DPP6: variants seen among roughly 807,000 people sequenced by gnomAD.
The protein encoded by DPP6 is dipeptidyl peptidase like 6, also known as A-type potassium channel modulatory protein DPP6.
A neutral mutation model predicts 122.6 loss-of-function variants in DPP6; 69 were observed. The ratio of observed to expected loss-of-function variants is 0.56; its 90% CI spans 0.46 to 0.69. The LOEUF is 0.69. Ranked by LOEUF, DPP6 falls within the 30% of genes least tolerant of loss-of-function variation. The probability of loss-of-function intolerance (pLI) is 0.00; values close to 1 mark genes in which losing one functional copy is unlikely to be tolerated. For synonymous variants in DPP6, 418 were observed against 433.1 expected, an observed-to-expected ratio of 0.97 and a Z score of 0.43; for missense variants, 928 against 1,116.9, an observed-to-expected ratio of 0.83 and a Z score of 2.41.
At chr7:154,611,972 CAT>C (rs1408185931) in intron 5 of DPP6, among the ~76,000 whole-genome samples, 1 of 152,094 alleles carries the variant, frequency 6.6e-6, no homozygotes, top group Non-Finnish European at 1.5e-5. Context: ...CTTACAAAAA[CAT>C]GTGTTGGAAA....
chr7:154,305,583 TGTGTGCGTGC>T, intron 1 of DPP6: 1 of 1,580,904 alleles, frequency 6.3e-7, no homozygotes, highest in Non-Finnish European at 8.6e-7. Flanking sequence ...CGTGTGTGTG[TGTGTGCGTGC>T]GTGTGCATGC....
chr7:154,257,609 A>G (rs1037390252), intron 1 of DPP6, among the ~76,000 whole-genome samples: 2 of 152,176 alleles, frequency 1.3e-5, no homozygotes, highest in Non-Finnish European at 2.9e-5. Context: ...AGGCAGAAGA[A>G]TTTTCTGAAC....
chr7:154,733,161 G>A (rs1430368988), intron 8 of DPP6, among the ~76,000 whole-genome samples: 1 of 152,228 alleles, frequency 6.6e-6, no homozygotes, highest in Non-Finnish European at 1.5e-5. Context: ...ACCTTCACTG[G>A]GTGGCCAGCA....
intron 1 of DPP6, among the ~76,000 whole-genome samples, chr7:153,901,041 T>C (rs1230768256): frequency 1.3e-5 from 2 of 152,184 alleles, no homozygotes; most frequent in African/African-American, 2.4e-5. Flanking sequence ...CAGTGGTTCA[T>C]TTTTTATAGA....
At chr7:154,857,676 C>A (rs1024639725) in intron 17 of DPP6, among the ~76,000 whole-genome samples, 3 of 152,186 alleles carry the variant, frequency 2.0e-5, no homozygotes, top group Non-Finnish European at 4.4e-5. Context: ...TGCTTCCAGG[C>A]CCCCAGTTCC....
At chr7:154,889,192 T>C in intron 23 of DPP6, 80 bp from the exon 24 acceptor site, 1 of 1,540,946 alleles carries the variant, frequency 6.5e-7, no homozygotes, top group Non-Finnish European at 8.7e-7. Context: ...ACCTACCTTC[T>C]CAGTCAGGTT....
chr7:154,265,788 A>G (rs193116358), intron 1 of DPP6, among the ~76,000 whole-genome samples: 1 of 152,222 alleles, frequency 6.6e-6, no homozygotes, highest in South Asian at 2.1e-4. Flanking sequence ...AAAAAAATAT[A>G]CAAGTGAGTA....
At chr7:154,138,394 C>T (rs1795685530) in intron 1 of DPP6, among the ~76,000 whole-genome samples, 2 of 152,284 alleles carry the variant, frequency 1.3e-5, no homozygotes, top group Non-Finnish European at 2.9e-5. Context: ...GGAAAATCTC[C>T]AGATGCTCAA....
At chr7:153,936,283 TC>T (rs1801436017) in intron 1 of DPP6, among the ~76,000 whole-genome samples, 2 of 152,096 alleles carry the variant, frequency 1.3e-5, no homozygotes, top group South Asian at 4.1e-4. Context: ...TATGAAATGT[TC>T]TCCAGGAGGT....
intron 8 of DPP6, among the ~76,000 whole-genome samples, chr7:154,763,318 C>T (rs1053410899): frequency 7.0e-5 from 10 of 143,024 alleles, no homozygotes; most frequent in African/African-American, 1.6e-4. Context: ...GATGATAGAT[C>T]GAGACTCCAT....
intron 1 of DPP6, among the ~76,000 whole-genome samples, chr7:154,412,040 G>C (rs1181498328): frequency 6.6e-6 from 1 of 152,056 alleles, no homozygotes; most frequent in African/African-American, 2.4e-5. Flanking sequence ...TCTGCTGAGG[G>C]GTCACTCTCC....
chr7:154,188,886 C>T (rs183013480), intron 1 of DPP6, among the ~76,000 whole-genome samples: 4 of 152,374 alleles, frequency 2.6e-5, no homozygotes, highest in Non-Finnish European at 5.9e-5. Flanking sequence ...TTGTGAACCT[C>T]TTATTCTATC....
At chr7:153,922,071 G>A (rs1372375933) in intron 1 of DPP6, among the ~76,000 whole-genome samples, 1 of 152,188 alleles carries the variant, frequency 6.6e-6, no homozygotes, top group Non-Finnish European at 1.5e-5. Context: ...CAACCGATAC[G>A]GTCCTGAGTG....
intron 1 of DPP6, among the ~76,000 whole-genome samples, chr7:154,358,370 A>G (rs1811448233): frequency 6.6e-6 from 1 of 152,164 alleles, no homozygotes; most frequent in Non-Finnish European, 1.5e-5. Context: ...ATGCTTTAAG[A>G]TATGCTTTTC....
At chr7:154,194,154 C>T (rs1012399142) in intron 1 of DPP6, among the ~76,000 whole-genome samples, 1 of 152,118 alleles carries the variant, frequency 6.6e-6, no homozygotes, top group African/African-American at 2.4e-5. Context: ...GAAACCCGTC[C>T]CATTTCCAGG....
rs141780676 is a variant in DPP6 at position 154,603,017 on chromosome 7, A to T, written c.628-34804A>T. ...GTTTTTTTGCTACATAAAGAATTTC[A>T]GGTGGACATTATTTTTCTTTCAGTA... On this transcript the variant is annotated intron_variant, in intron 5 of 25. Coordinates refer to ENST00000377770, the MANE Select transcript of DPP6 (RefSeq NM_130797.4). Among the ~76,000 whole-genome samples, 263 of 120,358 alleles carry T rather than the reference A, an allele frequency of 2.2e-3. 53 individuals carry two copies. The highest frequency in any genetic ancestry group is 6.3e-3 in the African/African-American group (240 of 37,946). 79.0% of individuals were successfully genotyped at this position (120,358 alleles called of 152,430 possible).
At chr7:153,784,758 C>A in the DPP6 span, among the ~76,000 whole-genome samples, 1 of 152,110 alleles carries the variant, frequency 6.6e-6, no homozygotes, top group African/African-American at 2.4e-5. Context: ...GGGTTTTCTT[C>A]TTCATAAAGC....
chr7:153,794,355 G>C, the DPP6 span, among the ~76,000 whole-genome samples: 3 of 152,166 alleles, frequency 2.0e-5, no homozygotes, highest in African/African-American at 4.8e-5. Context: ...AGTCAAAGGA[G>C]ATCATTTTGG....
intron 1 of DPP6, among the ~76,000 whole-genome samples, chr7:154,436,274 C>T (rs1279839738): frequency 1.3e-5 from 2 of 151,274 alleles, no homozygotes; most frequent in East Asian, 1.9e-4. Flanking sequence ...CACACATGCA[C>T]CAGGTTACAA....
Sources: allele counts gnomAD v4.1 joint callset (sites outside exome capture counted in the v4.1 genomes callset), GRCh38; gene constraint gnomAD v4.1.1; transcripts MANE v1.5; gene names NCBI Gene and HGNC (gene_info 2026-07-23, HGNC 2026-07-21).